Variants in GTF3C1 observed in about 807,000 individuals in gnomAD.
GTF3C1 encodes general transcription factor 3C polypeptide 1.
In GTF3C1, 57 loss-of-function variants were observed where a neutral mutation model predicts 226.7. The ratio of observed to expected loss-of-function variants is 0.25; its 90% CI spans 0.20 to 0.31. The LOEUF (loss-of-function observed/expected upper bound fraction) is 0.31. Among genes scored for constraint, GTF3C1 ranks in the 10% least tolerant of loss-of-function variants. The pLI, the probability that GTF3C1 is intolerant of heterozygous loss-of-function variation, is 1.00. For missense variants in GTF3C1, 2,217 were observed against 2,776.1 expected (o/e 0.80, Z 4.53); for synonymous variants, 1,090 against 1,084.8 (o/e 1.00, Z -0.09).
intron 7 of GTF3C1, among the ~76,000 whole-genome samples, chr16:27,509,300 A>G (rs1486580377): frequency 1.1e-4 from 17 of 152,176 alleles, no homozygotes. Context: ...GATTGTGAGT[A>G]TATCTGCCGC....
chr16:27,469,253 A>AG lies in GTF3C1; in HGVS notation c.5074+37dup, dbSNP rs1457676268. The AG allele has an allele frequency of 1.3e-6, 2 of 1,524,192 alleles. No homozygotes were observed. The highest frequency in any genetic ancestry group is 1.8e-6 in the Non-Finnish European group (2 of 1,129,386). The allele number at this position is 1,524,192 out of a possible 1,614,324, so 94.4% of individuals were successfully genotyped here. On this transcript the variant is annotated intron_variant, in intron 32 of 36. Coordinates refer to ENST00000356183, the MANE Select transcript of GTF3C1 (RefSeq NM_001520.4). The surrounding 1 kb of genome is among the most constrained non-coding windows in gnomAD (Gnocchi z 4.5). ...CTCAGGGTCTTCCTGGATGATGGCG[A>AG]GGCCAGGCCCTCCCACAGCACCAGC...
intron 1 of GTF3C1, among the ~76,000 whole-genome samples, chr16:27,546,965 C>A (rs977151615): frequency 1.3e-5 from 2 of 152,092 alleles, no homozygotes; most frequent in Non-Finnish European, 2.9e-5. Context: ...GAGGGTTTCA[C>A]GATGTTGGCC....
chr16:27,497,751 T>C lies in GTF3C1; in HGVS notation c.2236A>G (p.Ser746Gly). Residue 746 changes from serine (S) to glycine (G), a missense_variant, in exon 14 of 37, where the codon AGT becomes GGT. Around this residue, in one of 12 missense-constraint regions of GTF3C1, gnomAD observed 100 missense variants for 139.9 expected, o/e 0.71. Coordinates refer to ENST00000356183, the MANE Select transcript of GTF3C1 (RefSeq NM_001520.4). Reference protein sequence around the residue: ...EEDSQGKEGPSGSGDSQLSAS... With the variant: ...EEDSQGKEGPGGSGDSQLSAS... ...CTCAGCTGAGAGTCCCCTGATCCAC[T>C]TGGGCCCTCTTTTCCTTGACTGTCT... The C allele has an allele frequency of 1.2e-6, 2 of 1,613,938 alleles. No individual in the cohort carries two copies. Among genetic ancestry groups the C allele is most frequent in the Non-Finnish European group, 1.7e-6 (2 of 1,179,794 alleles).
In GTF3C1 at chr16:27,506,097, G is replaced by T; in HGVS notation, c.1572C>A (p.Asn524Lys). 1.2e-6 allele frequency: 2 copies of T among 1,609,408 alleles called. No individual in the cohort carries two copies. Among genetic ancestry groups the T allele is most frequent in the Non-Finnish European group, 1.7e-6 (2 of 1,175,768 alleles). ...GCGGCTGCTTTTTCAATGGGTGTAG[G>T]TTTACAACTTTCCACCCACCTGTGG... Reference protein sequence around the residue: ...TPTKGGWKVVNLHPLKKQPPS... With the variant: ...TPTKGGWKVVKLHPLKKQPPS... Residue 524 changes from asparagine (N) to lysine (K), a missense_variant, in exon 10 of 37, where the codon AAC (asparagine) becomes AAA (lysine). By Grantham distance (94) the Asn-to-Lys change is moderately conservative (BLOSUM62 0). This residue lies in a region of GTF3C1 where 173 missense variants were observed against 207.2 expected (regional missense o/e 0.83). Coordinates refer to ENST00000356183, the MANE Select transcript of GTF3C1 (RefSeq NM_001520.4).
intron 2 of GTF3C1, among the ~76,000 whole-genome samples, chr16:27,538,939 C>T (rs1221071567): frequency 6.7e-6 from 1 of 149,582 alleles, no homozygotes; most frequent in East Asian, 2.0e-4. Flanking sequence ...TAGAACTTAG[C>T]ACTCTTAGAA....
intron 10 of GTF3C1, among the ~76,000 whole-genome samples, 168 bp downstream of exon 10, chr16:27,505,731 G>A (rs186265978): frequency 2.0e-5 from 3 of 152,344 alleles, no homozygotes; most frequent in East Asian, 3.9e-4. Context: ...GCGTGAAAGT[G>A]GTGTGTAGAT....
chr16:27,468,209 G>A (rs947440727), intron 32 of GTF3C1, among the ~76,000 whole-genome samples: 3 of 152,222 alleles, frequency 2.0e-5, no homozygotes, highest in African/African-American at 7.2e-5. Context: ...AACAGATGGG[G>A]ACTTGCTTCT....
At chr16:27,464,860 G>C (rs1343494227) in intron 33 of GTF3C1, 24 bp from the exon 34 acceptor site, 5 of 1,490,158 alleles carry the variant, frequency 3.4e-6, no homozygotes, top group African/African-American at 1.4e-5. Context: ...AGACACGCGG[G>C]GTCTGTGGGG....
chr16:27,484,439 G>A (rs1234088338), intron 24 of GTF3C1, 86 bp from the exon 25 acceptor site: 10 of 933,546 alleles, frequency 1.1e-5, no homozygotes, highest in South Asian at 7.0e-5. Flanking sequence ...TGGACAAAAT[G>A]TGTTTTGTGC....
chr16:27,515,164 G>A (rs2088637722), intron 6 of GTF3C1, among the ~76,000 whole-genome samples: 1 of 152,200 alleles, frequency 6.6e-6, no homozygotes, highest in South Asian at 2.1e-4. Flanking sequence ...TCTGATCTTG[G>A]CTGGGAGCAG....
intron 7 of GTF3C1, among the ~76,000 whole-genome samples, chr16:27,511,274 C>T (rs898179129): frequency 2.0e-5 from 3 of 152,176 alleles, no homozygotes; most frequent in Non-Finnish European, 2.9e-5. Context: ...AGCTGCAGCC[C>T]CCTCTTCTGC....
At chr16:27,531,417 CT>C (rs2088915700) in intron 5 of GTF3C1, among the ~76,000 whole-genome samples, 1 of 152,238 alleles carries the variant, frequency 6.6e-6, no homozygotes, top group Non-Finnish European at 1.5e-5. Context: ...CTCAACTGTG[CT>C]TTTGGCACAG....
At chr16:27,489,283 T>C (rs1183326712) in intron 20 of GTF3C1, 105 bp from the exon 21 acceptor site, 4 of 1,325,448 alleles carry the variant, frequency 3.0e-6, no homozygotes, top group Non-Finnish European at 4.2e-6. Flanking sequence ...AACTTTCACC[T>C]TTCCAGAAAA....
intron 2 of GTF3C1, among the ~76,000 whole-genome samples, chr16:27,544,174 A>G (rs1196359465): frequency 1.3e-5 from 2 of 152,084 alleles, no homozygotes; most frequent in Middle Eastern, 3.2e-3. Context: ...GGATTGCTTG[A>G]GCCCAGAAGT....
At chr16:27,535,592 A>G (rs1465357833) in intron 4 of GTF3C1, among the ~76,000 whole-genome samples, 1 of 151,320 alleles carries the variant, frequency 6.6e-6, no homozygotes, top group African/African-American at 2.4e-5. Flanking sequence ...AAAAAAAAAA[A>G]GCCATGTGAT....
rs992590282 is a variant in GTF3C1 at position 27,463,847 on chromosome 16, C to A, written c.5873-255G>T. 15 of 523,830 alleles carry A rather than the reference C, an allele frequency of 2.9e-5. No homozygotes were observed. The highest frequency in any genetic ancestry group is 2.7e-4 in the African/African-American group (14 of 50,950). The allele number at this position is 523,830 out of a possible 1,614,324, so 32.4% of individuals were successfully genotyped here. ...CAAGCCCCACATTGCAGGAAGCCAG[C>A]GAACACCTCATTTTCCACCCAGAAG... is the stretch of plus-strand genomic sequence containing the variant. On this transcript the variant is annotated intron_variant, in intron 34 of 36. Coordinates refer to ENST00000356183, the MANE Select transcript of GTF3C1 (RefSeq NM_001520.4). This position sits in a 1 kb window ranked among gnomAD's most constrained non-coding sequence, Gnocchi z 4.9.
chr16:27,464,173 G>A (rs1267580666), intron 34 of GTF3C1, 147 bp downstream of exon 34: 10 of 490,152 alleles, frequency 2.0e-5, no homozygotes, highest in African/African-American at 1.8e-4. Context: ...CCCCCTCAGG[G>A]CTCAGGCTCT....
At position 27,469,187 on chromosome 16, in the gene GTF3C1, C is replaced by T; in HGVS notation, c.5074+104G>A. On this transcript the variant is annotated intron_variant, in intron 32 of 36. Transcript: ENST00000356183. The surrounding 1 kb of genome is among the most constrained non-coding windows in gnomAD (Gnocchi z 4.5). Reference sequence around the variant, plus strand: ...TTTCTGTGTGTTCTGTGGCTGCACGCCTGGCCTGGGGAGCCTGAAGGTCTA... The same window carrying T: ...TTTCTGTGTGTTCTGTGGCTGCACGTCTGGCCTGGGGAGCCTGAAGGTCTA... The T allele has an allele frequency of 8.3e-7, 1 of 1,206,796 alleles. No individual in the cohort carries two copies. The highest frequency in any genetic ancestry group is 1.5e-5 in the African/African-American group (1 of 65,246). The allele number at this position is 1,206,796 out of a possible 1,614,324, so 74.8% of individuals were successfully genotyped here.
At chr16:27,512,151 C>T (rs1320881007) in intron 6 of GTF3C1, among the ~76,000 whole-genome samples, 2 of 152,130 alleles carry the variant, frequency 1.3e-5, no homozygotes, top group Admixed American at 6.6e-5. Context: ...GAAGGAATAA[C>T]GAGGTGCTAT....
Sources: gnomAD v4.1 joint callset for allele counts (sites outside exome capture counted in the v4.1 genomes callset) on GRCh38, gnomAD v4.1.1 for gene constraint, gnomAD v4.1.1 regional missense constraint, Gnocchi (gnomAD v3.1) non-coding constraint, MANE v1.5 for transcripts, NCBI Gene and HGNC (gene_info 2026-07-23, HGNC 2026-07-21) for gene names.